ADAM10: variants seen among roughly 807,000 people sequenced by gnomAD.
ADAM10 encodes the protein disintegrin and metalloproteinase domain-containing protein 10.
Under a neutral mutation model 90.1 loss-of-function variants are expected in ADAM10, and 17 were observed. That is an observed-to-expected ratio of 0.19 (90% CI 0.13 to 0.28). ADAM10 has a LOEUF of 0.28. Ranked by LOEUF, ADAM10 falls within the 10% of genes least tolerant of loss-of-function variation. The pLI is 1.00. For missense variants in ADAM10, 610 were observed against 914.3 expected (o/e 0.67, Z 4.29); for synonymous variants, 310 against 298.6 (o/e 1.04, Z -0.40).
At chr15:58,662,306 T>C (rs990075607) in intron 5 of ADAM10, among the ~76,000 whole-genome samples, 1 of 152,228 alleles carries the variant, frequency 6.6e-6, no homozygotes, top group Non-Finnish European at 1.5e-5. Context: ...AGGTTAGCCC[T>C]GCTACTACCA....
chr15:58,591,138 C>T lies in ADAM10; in HGVS notation c.*6409G>A, dbSNP rs1475686492. ...TACTTAAGTAGTTAGCTAAGCCCTT[C>T]AACAGTGAGAGAGAGAGAGAGAGAC... On this transcript the variant is annotated 3_prime_UTR_variant, in exon 16 of 16. Transcript: ENST00000260408. The T allele has an allele frequency of 7.3e-6, 1 of 137,368 alleles. No individual in the cohort carries two copies. The highest frequency in any genetic ancestry group is 3.3e-5 in the African/African-American group (1 of 30,766). 8.5% of individuals were successfully genotyped at this position (137,368 alleles called of 1,614,324 possible).
chr15:58,692,039 G>T, intron 2 of ADAM10: 1 of 466,460 alleles, frequency 2.1e-6, no homozygotes, highest in South Asian at 1.5e-5. Flanking sequence ...AGCATTTCCC[G>T]GGAGATGTTT....
In ADAM10 at chr15:58,597,494, G is replaced by A; in HGVS notation, c.*53C>T. 3 of 1,613,630 alleles carry A rather than the reference G, an allele frequency of 1.9e-6. No homozygotes were observed. The highest frequency in any genetic ancestry group is 2.5e-6 in the Non-Finnish European group (3 of 1,179,848). ...TGATGACTTAATAGGTTTCTCTTTG[G>A]AGTGAAGTTTTCCCATTGTAGGCAC... On this transcript the variant is annotated 3_prime_UTR_variant, in exon 16 of 16. Transcript: ENST00000260408.
chr15:58,722,037 A>AAT (rs1347034491), intron 1 of ADAM10, among the ~76,000 whole-genome samples: 2 of 151,420 alleles, frequency 1.3e-5, no homozygotes, highest in African/African-American at 4.9e-5. Context: ...TGAAATAATA[A>AAT]ATATATATAT....
chr15:58,669,570 C>T (rs1223826199), intron 4 of ADAM10, among the ~76,000 whole-genome samples: 4 of 152,088 alleles, frequency 2.6e-5, no homozygotes, highest in African/African-American at 7.2e-5. Context: ...TTTCCAAATG[C>T]CCCCTCTCTA....
chr15:58,606,648 A>G (rs1376611096), intron 14 of ADAM10, among the ~76,000 whole-genome samples: 2 of 152,218 alleles, frequency 1.3e-5, no homozygotes, highest in African/African-American at 2.4e-5. Context: ...AAAATGGAAA[A>G]TTTCTGTTAC....
At chr15:58,667,245 T>C (rs1323235666) in intron 4 of ADAM10, among the ~76,000 whole-genome samples, 1 of 152,162 alleles carries the variant, frequency 6.6e-6, no homozygotes, top group Non-Finnish European at 1.5e-5. Context: ...TGCTTTTGTT[T>C]TGTTGTTCAA....
chr15:58,627,557 A>G, intron 10 of ADAM10, 143 bp downstream of exon 10: 1 of 706,306 alleles, frequency 1.4e-6, no homozygotes, highest in East Asian at 2.7e-5. Context: ...AGATTAAGAA[A>G]TAACGAGATA....
chr15:58,693,010 G>C (rs781002994), intron 2 of ADAM10: 10 of 781,290 alleles, frequency 1.3e-5, no homozygotes, highest in Non-Finnish European at 2.3e-5. Context: ...GTCCAACTTG[G>C]AAGGGTCTGT....
chr15:58,733,599 T>A lies in ADAM10; in HGVS notation c.56-15872A>T, dbSNP rs148812786. Among the ~76,000 whole-genome samples the A allele has an allele frequency of 2.0e-3, 300 of 152,262 alleles. 3 individuals carry two copies. The highest frequency in any genetic ancestry group is 6.2e-3 in the African/African-American group (256 of 41,542). ...TATGCAAATAGTATACCTTTTTATA[T>A]AAGGGACTTGAGCATTCATGGAACC... On this transcript the variant is annotated intron_variant, in intron 1 of 15. Transcript: ENST00000260408.
chr15:58,646,269 GAATA>G (rs1896546452), intron 5 of ADAM10, 65 bp from the exon 6 acceptor site: 1 of 1,469,298 alleles, frequency 6.8e-7, no homozygotes, highest in African/African-American at 1.4e-5. Context: ...ATCTAATTAA[GAATA>G]CATACTATAA....
chr15:58,713,219 A>T (rs368949131), intron 2 of ADAM10, among the ~76,000 whole-genome samples: 3 of 152,174 alleles, frequency 2.0e-5, no homozygotes, highest in South Asian at 4.2e-4. Context: ...CTCCCACCTC[A>T]GCCTCCCAAG....
At chr15:58,666,821 T>A (rs1372513973) in intron 4 of ADAM10, among the ~76,000 whole-genome samples, 4 of 152,198 alleles carry the variant, frequency 2.6e-5, no homozygotes, top group African/African-American at 9.6e-5. Context: ...GTAAAAAAAA[T>A]TTCCAAATAT....
intron 5 of ADAM10, among the ~76,000 whole-genome samples, chr15:58,652,430 T>C (rs758157965): frequency 2.0e-5 from 3 of 152,336 alleles, no homozygotes; most frequent in African/African-American, 4.8e-5. Flanking sequence ...CGGTGAGAAA[T>C]AGAGGTCTAG....
chr15:58,658,198 T>C (rs1250327990), intron 5 of ADAM10, among the ~76,000 whole-genome samples: 1 of 152,188 alleles, frequency 6.6e-6, no homozygotes. Flanking sequence ...GTATAAGGTG[T>C]GAAGTACAGG....
chr15:58,730,133 T>A (rs758183355), intron 1 of ADAM10, among the ~76,000 whole-genome samples: 4 of 152,184 alleles, frequency 2.6e-5, no homozygotes, highest in Non-Finnish European at 4.4e-5. Flanking sequence ...CAAATAAGGA[T>A]ACTCAACCTG....
chr15:58,727,212 A>T lies in ADAM10; in HGVS notation c.56-9485T>A, dbSNP rs2470089. 3.4e-5 allele frequency among the ~76,000 whole-genome samples: 4 copies of T among 118,570 alleles called. 2 individuals are homozygous for T. Among genetic ancestry groups the T allele is most frequent in the East Asian group, 5.6e-4 (2 of 3,552 alleles). The allele number at this position is 118,570 out of a possible 152,430, so 77.8% of individuals were successfully genotyped here. On this transcript the variant is annotated intron_variant, in intron 1 of 15. Transcript: ENST00000260408. ...TTTTTTTTTTTTTTTTTTTCCCAAA[A>T]ACAGCGTTTCGCTCGTTGCCCAGGC...
At chr15:58,623,131 C>A (rs752460533) in intron 10 of ADAM10, among the ~76,000 whole-genome samples, 2 of 152,176 alleles carry the variant, frequency 1.3e-5, no homozygotes, top group Non-Finnish European at 2.9e-5. Context: ...CTATCTAAAT[C>A]AAAAATGTTC....
chr15:58,612,285 C>T (rs1895460602), intron 11 of ADAM10, among the ~76,000 whole-genome samples: 1 of 152,140 alleles, frequency 6.6e-6, no homozygotes, highest in African/African-American at 2.4e-5. Context: ...CACATTGCTC[C>T]TTCAGGTAAT....
Sources: allele counts gnomAD v4.1 joint callset (sites outside exome capture counted in the v4.1 genomes callset), GRCh38; gene constraint gnomAD v4.1.1; transcripts MANE v1.5; gene names NCBI Gene and HGNC (gene_info 2026-07-23, HGNC 2026-07-21).